The following RFX7 variants were observed in gnomAD, a reference collection of about 807,000 sequenced individuals.
RFX7 encodes the protein DNA-binding protein RFX7.
Under a neutral mutation model 111.8 loss-of-function variants are expected in RFX7, and 26 were observed. The ratio of observed to expected loss-of-function variants is 0.23; its 90% CI spans 0.17 to 0.32. RFX7 has a LOEUF of 0.32. RFX7 is among the 10% of genes least tolerant of loss of function. The pLI is 1.00. For synonymous variants in RFX7, 624 were observed against 624.4 expected, an observed-to-expected ratio of 1.00 and a Z score of 0.01; for missense variants, 1,573 against 1,772.9, an observed-to-expected ratio of 0.89 and a Z score of 2.02.
chr15:56,111,044 C>G lies in RFX7; in HGVS notation c.402-7374G>C, dbSNP rs1188633776. ...GAGGTGGGGGGGTCAGCCCCCCACCCGGCCAGCCACCCTGTCCGGGAGGTG... is the reference window on the plus strand; with the variant it reads ...GAGGTGGGGGGGTCAGCCCCCCACCGGGCCAGCCACCCTGTCCGGGAGGTG... On this transcript the variant is annotated intron_variant, in intron 5 of 9. Transcript: ENST00000559447. Among the ~76,000 whole-genome samples the G allele has an allele frequency of 5.2e-5, 5 of 95,890 alleles. 1 individual carries two copies. The highest frequency in any genetic ancestry group is 1.8e-4 in the African/African-American group (5 of 28,332). The allele number at this position is 95,890 out of a possible 152,430, so 62.9% of individuals were successfully genotyped here.
In RFX7 at chr15:56,098,215, G is replaced by T; in HGVS notation, c.973C>A (p.Pro325Thr). 1 of 1,613,924 alleles carries T rather than the reference G, an allele frequency of 6.2e-7. No individual in the cohort carries two copies. Among genetic ancestry groups the T allele is most frequent in the Non-Finnish European group, 8.5e-7 (1 of 1,179,838 alleles). The change falls in exon 9 of 10, where the codon CCA (proline) becomes ACA (threonine). Residue 325 changes from proline (P) to threonine (T), a missense_variant. Physicochemically the swap from Pro to Thr is conservative, Grantham distance 38. Transcript: ENST00000559447. ...GACTTTTTTGCTGCAGATTCTCCTGGCAAAGGGGATTGTAGTTTCTGTTCT... is the reference window on the plus strand; with the variant it reads ...GACTTTTTTGCTGCAGATTCTCCTGTCAAAGGGGATTGTAGTTTCTGTTCT... Reference protein sequence around the residue: ...QQEQKLQSPLPGESAAKKSES... With the variant: ...QQEQKLQSPLTGESAAKKSES...
chr15:56,159,449 G>C (rs2042695350), intron 3 of RFX7, among the ~76,000 whole-genome samples: 1 of 152,202 alleles, frequency 6.6e-6, no homozygotes, highest in African/African-American at 2.4e-5. Context: ...TGAAGATTAT[G>C]TTACACAAGT....
chr15:56,208,331 G>C (rs2043276910), intron 2 of RFX7, among the ~76,000 whole-genome samples: 1 of 152,102 alleles, frequency 6.6e-6, no homozygotes, highest in Non-Finnish European at 1.5e-5. Context: ...TCCAAGTAAG[G>C]GGGCACTGGA....
rs1170724029 is a variant in RFX7 at position 56,112,673 on chromosome 15, A to T, written c.402-9003T>A. ...GACAACTGGGATCTAGTTAAACTAA[A>T]GAGCTGCACAGCAAAAGAAACTATC... On this transcript the variant is annotated intron_variant, in intron 5 of 9. Coordinates refer to ENST00000559447, the MANE Select transcript of RFX7 (RefSeq NM_022841.7). Among the ~76,000 whole-genome samples the T allele has an allele frequency of 2.6e-5, 4 of 152,320 alleles. No homozygotes were observed. In the East Asian group the frequency reaches 7.7e-4, roughly 29 times the overall value.
At chr15:56,110,460 G>A (rs1220650202) in intron 5 of RFX7, among the ~76,000 whole-genome samples, 20 of 131,250 alleles carry the variant, frequency 1.5e-4, no homozygotes, top group Non-Finnish European at 3.0e-4. Context: ...TCCGGGAGGC[G>A]AGGGGAGCCT....
Position 56,232,268 on chromosome 15 carries a change from CA to C in RFX7, c.161+10856del, listed in dbSNP as rs371412747. On this transcript the variant is annotated intron_variant, in intron 2 of 9. Coordinates refer to ENST00000559447, the MANE Select transcript of RFX7 (RefSeq NM_022841.7). Reference sequence around the variant, plus strand: ...AGGTTTCATGAGGGCTCCACCTCTGCAGCAAACTTCTGTCTGGACATCCAGC... The same window carrying C: ...AGGTTTCATGAGGGCTCCACCTCTGCGCAAACTTCTGTCTGGACATCCAGC... Among the ~76,000 whole-genome samples the C allele has an allele frequency of 3.2e-3, 494 of 152,322 alleles. 7 individuals are homozygous for C. Among genetic ancestry groups the C allele is most frequent in the African/African-American group, 0.011 (475 of 41,572 alleles).
At chr15:56,204,811 G>A (rs1261804490) in intron 2 of RFX7, among the ~76,000 whole-genome samples, 1 of 152,096 alleles carries the variant, frequency 6.6e-6, no homozygotes, top group East Asian at 1.9e-4. Context: ...AATCAAATGC[G>A]AGTCAGGGTC....
Position 56,094,684 on chromosome 15 carries a change from G to T in RFX7, c.3044C>A (p.Pro1015His). 6.2e-7 allele frequency: 1 copy of T among 1,613,910 alleles called. No homozygotes were observed. The highest frequency in any genetic ancestry group is 1.3e-5 in the African/African-American group (1 of 75,038). ...PHSNCSSSVP[P>H]SPVECRNPFA... is the part of the protein sequence containing the mutation. ...CGGATTCCTGCATTCAACAGGGCTG[G>T]GGGGGACACTACTGCTGCAGTTAGA... The change falls in exon 10 of 10, where the codon CCC (proline) becomes CAC (histidine). Residue 1015 changes from proline (P) to histidine (H), a missense_variant. By Grantham distance (77) the Pro-to-His change is moderately conservative. Transcript: ENST00000559447.
At chr15:56,140,223 C>T (rs897124892) in intron 5 of RFX7, among the ~76,000 whole-genome samples, 16 of 152,204 alleles carry the variant, frequency 1.1e-4, no homozygotes, top group Non-Finnish European at 1.3e-4. Context: ...GCCTCGCTGT[C>T]GCCTTGCAGT....
intron 5 of RFX7, among the ~76,000 whole-genome samples, chr15:56,115,033 C>A (rs1025337802): frequency 4.6e-5 from 7 of 152,032 alleles, no homozygotes; most frequent in African/African-American, 1.7e-4. Context: ...ATTTTTGAGA[C>A]AGAGTCTCGC....
intron 2 of RFX7, among the ~76,000 whole-genome samples, chr15:56,229,010 C>A (rs1365110300): frequency 6.6e-6 from 1 of 152,152 alleles, no homozygotes; most frequent in Non-Finnish European, 1.5e-5. Flanking sequence ...CATAGCACTA[C>A]CATACACCTA....
chr15:56,242,041 G>A (rs2141250023), intron 2 of RFX7, among the ~76,000 whole-genome samples: 1 of 152,220 alleles, frequency 6.6e-6, no homozygotes, highest in Middle Eastern at 3.4e-3. Flanking sequence ...AACGCCAGTT[G>A]CTTTACGATA....
chr15:56,104,836 A>G (rs2041808418), intron 5 of RFX7, among the ~76,000 whole-genome samples: 1 of 152,144 alleles, frequency 6.6e-6, no homozygotes, highest in South Asian at 2.1e-4. Context: ...CAGCAAACAC[A>G]TCACCAACAA....
chr15:56,207,569 G>GA (rs1271624355), intron 2 of RFX7, among the ~76,000 whole-genome samples: 3 of 151,958 alleles, frequency 2.0e-5, no homozygotes. Context: ...AAACATTTGA[G>GA]AAAAAAAGCA....
chr15:56,134,930 C>A (rs2042276496), intron 5 of RFX7, among the ~76,000 whole-genome samples: 2 of 152,108 alleles, frequency 1.3e-5, no homozygotes, highest in African/African-American at 2.4e-5. Context: ...CATGTCCCTA[C>A]AAAGGACATG....
chr15:56,182,125 T>C (rs1244424607), intron 2 of RFX7, among the ~76,000 whole-genome samples: 3 of 152,116 alleles, frequency 2.0e-5, no homozygotes, highest in African/African-American at 4.8e-5. Context: ...GTTATATAAT[T>C]ATTTCATTAT....
At chr15:56,145,081 C>T (rs1054557722) in intron 3 of RFX7, among the ~76,000 whole-genome samples, 1 of 152,176 alleles carries the variant, frequency 6.6e-6, no homozygotes, top group Admixed American at 6.5e-5. Flanking sequence ...CCAACAGTAG[C>T]TATTTAGAGA....
chr15:56,136,003 G>C lies in RFX7; in HGVS notation c.401+6775C>G, dbSNP rs553476646. ...TCTGTTTTGGTACCAGTACCATGCT[G>C]TTTTGGTTACTGTAGCCTTGTAGTA... On this transcript the variant is annotated intron_variant, in intron 5 of 9. Coordinates refer to ENST00000559447, the MANE Select transcript of RFX7 (RefSeq NM_022841.7). Among the ~76,000 whole-genome samples, 167 of 152,188 alleles carry C rather than the reference G, an allele frequency of 1.1e-3. No individual in the cohort carries two copies. In the East Asian group the frequency reaches 0.013, roughly 12 times the overall value.
At chr15:56,120,536 G>A (rs538126480) in intron 5 of RFX7, among the ~76,000 whole-genome samples, 1 of 152,112 alleles carries the variant, frequency 6.6e-6, no homozygotes, top group Non-Finnish European at 1.5e-5. Context: ...TTGAATAAAA[G>A]TGGCAAAAGT....
Sources: gnomAD v4.1 joint callset for allele counts (sites outside exome capture counted in the v4.1 genomes callset) on GRCh38, gnomAD v4.1.1 for gene constraint, MANE v1.5 for transcripts, NCBI Gene and HGNC (gene_info 2026-07-23, HGNC 2026-07-21) for gene names.